FAM124A: variants seen among roughly 807,000 people sequenced by gnomAD.
FAM124A encodes the protein family with sequence similarity 124 member A, also known as protein FAM124A.
A neutral mutation model predicts 24.5 loss-of-function variants in FAM124A; 23 were observed. The ratio of observed to expected loss-of-function variants is 0.94; its 90% CI spans 0.68 to 1.33. FAM124A has a LOEUF of 1.33. FAM124A is among the 40% of genes most tolerant of loss of function. FAM124A has a pLI of 0.00. For missense variants in FAM124A, 623 were observed against 722.8 expected (o/e 0.86, Z 1.58); for synonymous variants, 287 against 314.7 (o/e 0.91, Z 0.93).
chr13:51,243,511 A>G (rs1954523337), intron 2 of FAM124A, among the ~76,000 whole-genome samples: 1 of 151,918 alleles, frequency 6.6e-6, no homozygotes, highest in Non-Finnish European at 1.5e-5. Flanking sequence ...TCCTGCTTTC[A>G]GACCTGGTTG....
intron 2 of FAM124A, among the ~76,000 whole-genome samples, chr13:51,233,737 T>TA (rs1954404222): frequency 6.6e-6 from 1 of 152,190 alleles, no homozygotes; most frequent in Non-Finnish European, 1.5e-5. Flanking sequence ...GAAACAATTT[T>TA]AAAACCTAAA....
chr13:51,255,074 C>A (rs1954661588), intron 3 of FAM124A, among the ~76,000 whole-genome samples: 1 of 151,982 alleles, frequency 6.6e-6, no homozygotes, highest in Non-Finnish European at 1.5e-5. Context: ...GAAGAAATTT[C>A]TAGTCCAAAA....
In FAM124A at chr13:51,272,566, T is replaced by TACACACACACACACAC. The variant is rs3138586; in HGVS notation, c.835-7871_835-7856dup. ...ACCTATTTTTGTAAATAAAGCCTTA[T>TACACACACACACACAC]ACACACACACACACACACACACACA... On this transcript the variant is annotated intron_variant, in intron 3 of 3. Transcript: ENST00000322475. The surrounding 1 kb of genome is among the most constrained non-coding windows in gnomAD (Gnocchi z 4.2). Among the ~76,000 whole-genome samples, 23 of 148,964 alleles carry TACACACACACACACAC rather than the reference T, an allele frequency of 1.5e-4. No homozygotes were observed. The highest frequency in any genetic ancestry group is 4.3e-4 in the South Asian group (2 of 4,626).
At chr13:51,275,735 G>A (rs1954880511) in intron 3 of FAM124A, among the ~76,000 whole-genome samples, 1 of 152,216 alleles carries the variant, frequency 6.6e-6, no homozygotes, top group African/African-American at 2.4e-5. Flanking sequence ...AAATGCTGGT[G>A]AGGACGTGGA....
At chr13:51,252,386 A>C (rs553392074) in intron 3 of FAM124A, 185 bp downstream of exon 3, 2 of 731,420 alleles carry the variant, frequency 2.7e-6, no homozygotes, top group South Asian at 2.2e-5. Context: ...GGCAAGAAAG[A>C]CTCTTCCCAT....
At position 51,258,407 on chromosome 13, in the gene FAM124A, T is replaced by C. The variant is rs1435487814; in HGVS notation, c.834+6206T>C. ...CTGATCTGTCTCTGTTATTATATTG[T>C]CAAAAAATGAATGAGTGTGAGCTGG... On this transcript the variant is annotated intron_variant, in intron 3 of 3. Transcript: ENST00000322475. This position sits in a 1 kb window ranked among gnomAD's most constrained non-coding sequence, Gnocchi z 4.2. Among the ~76,000 whole-genome samples, 2 of 152,190 alleles carry C rather than the reference T, an allele frequency of 1.3e-5. No homozygotes were observed. Among genetic ancestry groups the C allele is most frequent in the Non-Finnish European group, 2.9e-5 (2 of 68,032 alleles).
chr13:51,267,945 T>C (rs1009574479), intron 3 of FAM124A, among the ~76,000 whole-genome samples: 5 of 152,184 alleles, frequency 3.3e-5, no homozygotes, highest in African/African-American at 9.7e-5. Context: ...GGATTGGAAT[T>C]GGGAAAGAAA....
intron 2 of FAM124A, among the ~76,000 whole-genome samples, chr13:51,237,699 T>C (rs773833699): frequency 5.9e-5 from 9 of 152,370 alleles, no homozygotes; most frequent in South Asian, 2.1e-4. Flanking sequence ...TTATCCAGTC[T>C]GTCTTCTTCT....
intron 3 of FAM124A, chr13:51,253,527 C>T (rs1204171704): frequency 6.6e-6 from 1 of 152,202 alleles, no homozygotes; most frequent in East Asian, 1.9e-4. Context: ...AAGAATGCCA[C>T]ATCTTTATGC....
intron 1 of FAM124A, among the ~76,000 whole-genome samples, chr13:51,223,301 G>C (rs1887161): frequency 0.68 from 103,884 of 151,860 alleles, 36,768 homozygotes; most frequent in Non-Finnish European, 0.78. Flanking sequence ...CTGAGCGGAA[G>C]AAAAGACAAA....
intron 3 of FAM124A, among the ~76,000 whole-genome samples, chr13:51,263,823 G>C (rs1207638751): frequency 6.6e-6 from 1 of 152,160 alleles, no homozygotes; most frequent in Non-Finnish European, 1.5e-5. Context: ...TCCTGACTAA[G>C]AGATCAGAAA....
At chr13:51,226,540 A>C (rs1954317226) in intron 1 of FAM124A, among the ~76,000 whole-genome samples, 2 of 152,218 alleles carry the variant, frequency 1.3e-5, no homozygotes, top group African/African-American at 4.8e-5. Context: ...TTAAATAAAT[A>C]ACAAGGGGTA....
intron 1 of FAM124A, among the ~76,000 whole-genome samples, chr13:51,230,921 A>T (rs1954369460): frequency 6.6e-6 from 1 of 152,138 alleles, no homozygotes; most frequent in Non-Finnish European, 1.5e-5. Flanking sequence ...TCGCGCTGGG[A>T]TCCTCTGCTT....
chr13:51,225,056 A>C (rs9526735), intron 1 of FAM124A: 51,016 of 152,048 alleles, frequency 0.34, 9,687 homozygotes, highest in Non-Finnish European at 0.43. Flanking sequence ...GAATTCCTTC[A>C]AGTTGTATGC....
Position 51,252,202 on chromosome 13 carries a change from G to C in FAM124A, c.834+1G>C. 6.2e-7 allele frequency: 1 copy of C among 1,611,148 alleles called. No homozygotes were observed. The highest frequency in any genetic ancestry group is 8.5e-7 in the Non-Finnish European group (1 of 1,178,988). On this transcript the variant is annotated splice_donor_variant, in intron 3 of 3. Coordinates refer to ENST00000322475, the MANE Select transcript of FAM124A (RefSeq NM_001242312.2). LOFTEE classifies it high-confidence loss of function. ...TGATGGGAACAAGATCCTCCTACAG[G>C]TACTGGGGGGACGCCTGTCTGTCTG...
At chr13:51,236,910 C>T (rs1234177146) in intron 2 of FAM124A, among the ~76,000 whole-genome samples, 1 of 152,172 alleles carries the variant, frequency 6.6e-6, no homozygotes. Flanking sequence ...CTTCCAGAGT[C>T]TTATTCCATA....
intron 3 of FAM124A, among the ~76,000 whole-genome samples, chr13:51,280,221 T>C (rs1174516737): frequency 5.9e-5 from 9 of 152,226 alleles, no homozygotes; most frequent in African/African-American, 1.9e-4. Context: ...GATAAGGAGC[T>C]GAATCTCCTC....
intron 3 of FAM124A, among the ~76,000 whole-genome samples, chr13:51,275,690 C>T (rs1954880176): frequency 6.6e-6 from 1 of 152,160 alleles, no homozygotes; most frequent in South Asian, 2.1e-4. Flanking sequence ...CCATTACCCA[C>T]CAGAATGGCT....
intron 3 of FAM124A, among the ~76,000 whole-genome samples, chr13:51,273,680 A>G (rs1401116395): frequency 6.6e-6 from 1 of 152,186 alleles, no homozygotes; most frequent in Non-Finnish European, 1.5e-5. Context: ...TACATTGGAG[A>G]ATTGAAGAAA....
Sources: allele counts gnomAD v4.1 joint callset (sites outside exome capture counted in the v4.1 genomes callset), GRCh38; gene constraint gnomAD v4.1.1; non-coding constraint Gnocchi (gnomAD v3.1); transcripts MANE v1.5; gene names NCBI Gene and HGNC (gene_info 2026-07-23, HGNC 2026-07-21).